Variants in FTO observed in about 807,000 individuals in gnomAD.
The protein encoded by FTO is FTO alpha-ketoglutarate dependent dioxygenase.
A neutral mutation model predicts 63.9 loss-of-function variants in FTO; 47 were observed. The observed-to-expected ratio is 0.74, with a 90% CI of 0.58 to 0.94. The LOEUF (loss-of-function observed/expected upper bound fraction) is 0.94. FTO is among the 40% of genes least tolerant of loss of function. The probability of loss-of-function intolerance (pLI) is 0.00; values close to 1 mark genes in which losing one functional copy is unlikely to be tolerated. For missense variants in FTO, 562 were observed against 618.1 expected, an observed-to-expected ratio of 0.91 and a Z score of 0.96; for synonymous variants, 207 against 224.4, an observed-to-expected ratio of 0.92 and a Z score of 0.69.
intron 8 of FTO, chr16:54,069,929 C>T (rs1218940116): frequency 6.6e-6 from 1 of 152,130 alleles, no homozygotes; most frequent in Non-Finnish European, 1.5e-5. Flanking sequence ...ATTATTGGTT[C>T]TTTCTCTTGC....
At chr16:53,936,528 G>A (rs953189596) in intron 8 of FTO, among the ~76,000 whole-genome samples, 2 of 152,160 alleles carry the variant, frequency 1.3e-5, no homozygotes, top group Non-Finnish European at 2.9e-5. Flanking sequence ...TCGAGTAGCC[G>A]TCAAATGGGT....
intron 8 of FTO, among the ~76,000 whole-genome samples, chr16:54,037,797 A>C (rs536560512): frequency 1.3e-5 from 2 of 152,344 alleles, no homozygotes; most frequent in African/African-American, 2.4e-5. Context: ...AAGCAAATGA[A>C]TGCTTATATA....
intron 8 of FTO, among the ~76,000 whole-genome samples, chr16:53,944,934 G>A (rs16952662): frequency 0.041 from 6,197 of 152,222 alleles, 253 homozygotes; most frequent in African/African-American, 0.11. Context: ...GCCTGATATT[G>A]CAAAATTGGT....
chr16:54,058,454 G>A (rs1325447957), intron 8 of FTO, among the ~76,000 whole-genome samples: 1 of 152,132 alleles, frequency 6.6e-6, no homozygotes, highest in Non-Finnish European at 1.5e-5. Flanking sequence ...TAAAGAAACA[G>A]CCCTGCTGGT....
At chr16:54,110,385 T>C (rs1174239264) in intron 8 of FTO, among the ~76,000 whole-genome samples, 2 of 152,204 alleles carry the variant, frequency 1.3e-5, no homozygotes, top group Non-Finnish European at 2.9e-5. Flanking sequence ...AGTGATGTGC[T>C]ACATAATAGT....
intron 1 of FTO, among the ~76,000 whole-genome samples, chr16:53,799,606 G>C (rs1329007829): frequency 6.6e-6 from 1 of 152,100 alleles, no homozygotes; most frequent in Non-Finnish European, 1.5e-5. Flanking sequence ...TTCTCATCCT[G>C]TAGTAGAGGG....
intron 8 of FTO, chr16:54,008,605 A>G (rs2084264228): frequency 6.6e-6 from 1 of 151,836 alleles, no homozygotes; most frequent in African/African-American, 2.4e-5. Context: ...ATGCATCTTA[A>G]TATGCCAAGT....
At chr16:54,068,854 G>A (rs1420318) in intron 8 of FTO, among the ~76,000 whole-genome samples, 37,517 of 151,720 alleles carry the variant, frequency 0.25, 7,052 homozygotes, top group African/African-American at 0.53. Context: ...ATTGAGATGC[G>A]GTAACTGTTC....
chr16:53,950,924 C>T (rs745639608), intron 8 of FTO, among the ~76,000 whole-genome samples: 1 of 152,146 alleles, frequency 6.6e-6, no homozygotes, highest in Non-Finnish European at 1.5e-5. Flanking sequence ...AGGCTCTTTC[C>T]TACAGAAGCA....
At chr16:53,953,549 AAG>A (rs2082849844) in intron 8 of FTO, among the ~76,000 whole-genome samples, 1 of 152,244 alleles carries the variant, frequency 6.6e-6, no homozygotes, top group Admixed American at 6.5e-5. Context: ...GTAAAGCAAA[AAG>A]AGTTTTTGGC....
At chr16:54,063,012 T>C (rs1393062755) in intron 8 of FTO, among the ~76,000 whole-genome samples, 1 of 152,208 alleles carries the variant, frequency 6.6e-6, no homozygotes, top group Non-Finnish European at 1.5e-5. Flanking sequence ...GGAGGTTAAC[T>C]TCAGAGCCTT....
At chr16:53,714,965 T>C (rs1456842338) in intron 1 of FTO, among the ~76,000 whole-genome samples, 1 of 152,150 alleles carries the variant, frequency 6.6e-6, no homozygotes, top group African/African-American at 2.4e-5. Flanking sequence ...CACACTTTAT[T>C]ACCAGAGGGG....
At chr16:53,822,544 G>A (rs958142317) in intron 2 of FTO, among the ~76,000 whole-genome samples, 3 of 152,146 alleles carry the variant, frequency 2.0e-5, no homozygotes, top group East Asian at 1.9e-4. Flanking sequence ...GTTACTGAAT[G>A]TGCAGTTGGA....
intron 1 of FTO, among the ~76,000 whole-genome samples, chr16:53,788,739 A>G (rs7185735): frequency 0.41 from 61,977 of 151,826 alleles, 13,082 homozygotes; most frequent in African/African-American, 0.48. Flanking sequence ...TTAGTATCAT[A>G]GGGGTAGTTA....
At chr16:53,715,077 A>G (rs2075863268) in intron 1 of FTO, among the ~76,000 whole-genome samples, 1 of 152,188 alleles carries the variant, frequency 6.6e-6, no homozygotes, top group Non-Finnish European at 1.5e-5. Context: ...AAAATGTGTT[A>G]ATCCAAATCA....
intron 8 of FTO, among the ~76,000 whole-genome samples, chr16:54,050,567 T>G (rs1444487656): frequency 6.6e-6 from 1 of 152,164 alleles, no homozygotes; most frequent in African/African-American, 2.4e-5. Flanking sequence ...CCAGGAATCC[T>G]TGCTGCTCCA....
At chr16:53,990,817 G>T (rs557257079) in intron 8 of FTO, among the ~76,000 whole-genome samples, 3 of 151,756 alleles carry the variant, frequency 2.0e-5, no homozygotes, top group Non-Finnish European at 4.4e-5. Flanking sequence ...TCAGGTGCCC[G>T]CCACCACGCC....
At chr16:53,996,104 T>A (rs1201449973) in intron 8 of FTO, among the ~76,000 whole-genome samples, 2 of 152,180 alleles carry the variant, frequency 1.3e-5, no homozygotes, top group African/African-American at 4.8e-5. Flanking sequence ...AGTGATTACA[T>A]TGATGTTGGT....
intron 8 of FTO, among the ~76,000 whole-genome samples, chr16:54,010,890 A>T (rs1057229441): frequency 6.6e-6 from 1 of 152,176 alleles, no homozygotes; most frequent in Non-Finnish European, 1.5e-5. Flanking sequence ...TCTTTCTCTG[A>T]TTCACAGATT....
Sources: allele counts gnomAD v4.1 joint callset (sites outside exome capture counted in the v4.1 genomes callset), GRCh38; gene constraint gnomAD v4.1.1; transcripts MANE v1.5; gene names NCBI Gene and HGNC (gene_info 2026-07-23, HGNC 2026-07-21).